Variants in RAB38 observed in about 807,000 individuals in gnomAD.
RAB38 encodes the protein ras-related protein Rab-38.
In RAB38, 15 loss-of-function variants were observed where a neutral mutation model predicts 18.4. The observed-to-expected ratio is 0.82, with a 90% CI of 0.55 to 1.26. The LOEUF (loss-of-function observed/expected upper bound fraction) is 1.26. Ranked by LOEUF, RAB38 falls within the 50% of genes most tolerant of loss-of-function variation. The probability of loss-of-function intolerance (pLI) is 0.00; values close to 1 mark genes in which losing one functional copy is unlikely to be tolerated. For synonymous variants in RAB38, 101 were observed against 104.4 expected, an observed-to-expected ratio of 0.97 and a Z score of 0.20; for missense variants, 294 against 267.4, an observed-to-expected ratio of 1.10 and a Z score of -0.69.
At chr11:88,171,690 C>G (rs1425405464) in intron 1 of RAB38, among the ~76,000 whole-genome samples, 1 of 152,142 alleles carries the variant, frequency 6.6e-6, no homozygotes. Context: ...TAGCTACTAT[C>G]CCTATAAATG....
the RAB38 span, among the ~76,000 whole-genome samples, chr11:87,932,370 A>G: frequency 4.2e-3 from 635 of 152,172 alleles, 6 homozygotes; most frequent in African/African-American, 0.014. Context: ...GTGCCACCAG[A>G]AGGGAGAGAA....
the RAB38 span, among the ~76,000 whole-genome samples, chr11:88,072,860 A>T: frequency 6.6e-6 from 1 of 152,138 alleles, no homozygotes; most frequent in African/African-American, 2.4e-5. Flanking sequence ...AGCTGGCTTC[A>T]CTGCCTCCCC....
chr11:87,819,965 G>A, the RAB38 span, among the ~76,000 whole-genome samples: 1 of 152,006 alleles, frequency 6.6e-6, no homozygotes, highest in African/African-American at 2.4e-5. Context: ...GCTCCTATTG[G>A]TTGGTTATAC....
At chr11:88,162,188 C>T (rs568235749) in intron 1 of RAB38, among the ~76,000 whole-genome samples, 22 of 152,148 alleles carry the variant, frequency 1.4e-4, no homozygotes, top group Admixed American at 1.2e-3. Context: ...GACAGTCTGG[C>T]GGTGGTTCAG....
chr11:87,859,295 G>T, the RAB38 span, among the ~76,000 whole-genome samples: 1 of 151,918 alleles, frequency 6.6e-6, no homozygotes, highest in Admixed American at 6.6e-5. Flanking sequence ...TTTAAAATTT[G>T]ACTTAAAACC....
At chr11:87,860,257 T>C in the RAB38 span, among the ~76,000 whole-genome samples, 2 of 152,038 alleles carry the variant, frequency 1.3e-5, no homozygotes, top group African/African-American at 4.8e-5. Flanking sequence ...AACATGACTT[T>C]AGTTTAACCC....
the RAB38 span, among the ~76,000 whole-genome samples, chr11:87,893,819 T>C: frequency 6.6e-6 from 1 of 151,634 alleles, no homozygotes; most frequent in African/African-American, 2.4e-5. Context: ...TAGAAAAACT[T>C]TGGGGTAGTA....
the RAB38 span, among the ~76,000 whole-genome samples, chr11:87,909,157 C>T: frequency 5.3e-5 from 8 of 151,984 alleles, no homozygotes; most frequent in South Asian, 1.7e-3. Flanking sequence ...TCTTCTTTAC[C>T]TCTGGGTCTT....
At chr11:87,805,747 A>G in the RAB38 span, among the ~76,000 whole-genome samples, 2 of 151,918 alleles carry the variant, frequency 1.3e-5, no homozygotes, top group Admixed American at 6.6e-5. Flanking sequence ...ATACATATAT[A>G]CACATACATA....
intron 2 of RAB38, among the ~76,000 whole-genome samples, chr11:88,121,107 T>C (rs1027876257): frequency 5.3e-5 from 8 of 152,338 alleles, no homozygotes; most frequent in African/African-American, 1.9e-4. Flanking sequence ...CTCTACTGAG[T>C]AGCCTTCTCT....
the RAB38 span, among the ~76,000 whole-genome samples, chr11:87,827,366 T>C: frequency 6.6e-6 from 1 of 151,968 alleles, no homozygotes; most frequent in African/African-American, 2.4e-5. Flanking sequence ...TCTCTCTCAT[T>C]AGGAGCTCTT....
At chr11:87,887,525 T>C in the RAB38 span, among the ~76,000 whole-genome samples, 4 of 151,988 alleles carry the variant, frequency 2.6e-5, no homozygotes, top group East Asian at 5.9e-4. Context: ...CCTCTCTTTC[T>C]AGTAGTATGA....
the RAB38 span, among the ~76,000 whole-genome samples, chr11:87,974,349 C>A: frequency 1.3e-5 from 2 of 149,022 alleles, no homozygotes; most frequent in African/African-American, 2.4e-5. Context: ...AACCATAACC[C>A]TGAAAGAAAA....
At chr11:87,933,093 C>T in the RAB38 span, among the ~76,000 whole-genome samples, 1 of 151,992 alleles carries the variant, frequency 6.6e-6, no homozygotes, top group East Asian at 1.9e-4. Flanking sequence ...GATGAATCCT[C>T]AGTGAATACA....
At chr11:87,833,102 T>G in the RAB38 span, among the ~76,000 whole-genome samples, 2 of 152,284 alleles carry the variant, frequency 1.3e-5, no homozygotes, top group African/African-American at 4.8e-5. Context: ...TCTAATCCCT[T>G]CTCACAGGGC....
chr11:88,106,777 C>A, the RAB38 span, among the ~76,000 whole-genome samples: 1 of 152,084 alleles, frequency 6.6e-6, no homozygotes, highest in Non-Finnish European at 1.5e-5. Flanking sequence ...CATTTCTGAC[C>A]GTTTTTATTA....
the RAB38 span, among the ~76,000 whole-genome samples, chr11:87,917,583 C>T: frequency 7.3e-6 from 1 of 137,310 alleles, no homozygotes; most frequent in Non-Finnish European, 1.5e-5. Context: ...ATATTTATTC[C>T]AGGCCAGGTC....
the RAB38 span, among the ~76,000 whole-genome samples, chr11:87,845,472 T>C: frequency 6.6e-6 from 1 of 151,958 alleles, no homozygotes; most frequent in Non-Finnish European, 1.5e-5. Flanking sequence ...CTGGATAGAC[T>C]CAAAAGCAAA....
intron 2 of RAB38, among the ~76,000 whole-genome samples, chr11:88,115,080 C>CT (rs1430968892): frequency 6.6e-6 from 1 of 152,138 alleles, no homozygotes; most frequent in Non-Finnish European, 1.5e-5. Context: ...AGTTAAACTG[C>CT]TTTTTTTGTT....
Sources: gnomAD v4.1 joint callset for allele counts (sites outside exome capture counted in the v4.1 genomes callset) on GRCh38, gnomAD v4.1.1 for gene constraint, MANE v1.5 for transcripts, NCBI Gene and HGNC (gene_info 2026-07-23, HGNC 2026-07-21) for gene names.